The following MYH7B variants were observed in gnomAD, a reference collection of about 807,000 sequenced individuals.
MYH7B encodes the protein myosin-7B.
Under a neutral mutation model 234.5 loss-of-function variants are expected in MYH7B, and 205 were observed. The ratio of observed to expected loss-of-function variants is 0.87; its 90% CI spans 0.78 to 0.98. MYH7B has a LOEUF of 0.98. Among genes scored for constraint, MYH7B ranks in the 50% least tolerant of loss-of-function variants. The pLI, the probability that MYH7B is intolerant of heterozygous loss-of-function variation, is 0.00. For synonymous variants in MYH7B, 1,193 were observed against 1,105.0 expected, an observed-to-expected ratio of 1.08 and a Z score of -1.58; for missense variants, 2,652 against 2,633.4, an observed-to-expected ratio of 1.01 and a Z score of -0.15.
intron 13 of MYH7B, 149 bp from the exon 14 acceptor site, chr20:34,985,951 G>C: frequency 1.5e-6 from 1 of 681,444 alleles, no homozygotes; most frequent in South Asian, 1.7e-5. Context: ...CGCAGGCACA[G>C]GGGAGATACC....
chr20:34,956,762 C>T (rs1030256893), intron 1 of MYH7B, among the ~76,000 whole-genome samples: 1 of 152,098 alleles, frequency 6.6e-6, no homozygotes, highest in African/African-American at 2.4e-5. Flanking sequence ...GGAACAAAAG[C>T]AGCAAAGGCT....
exon 1 of MYH7B, chr20:34,955,979 G>A (rs1218735856): frequency 6.6e-6 from 1 of 152,340 alleles, no homozygotes; most frequent in Admixed American, 6.5e-5. Context: ...GGAGGGGAGG[G>A]GACCATCGGG....
Position 34,990,223 on chromosome 20 carries a change from G to C in MYH7B, c.1901-11G>C. On this transcript the variant is annotated splice_polypyrimidine_tract_variant and intron_variant, in intron 21 of 44. Transcript: ENST00000262873. ...ATTCCCTGGAGTGACCAGGCCCCTT[G>C]TCTCTATTAGCTGAGCCCCCCAAGT... The C allele has an allele frequency of 6.2e-7, 1 of 1,614,154 alleles. No individual in the cohort carries two copies. Among genetic ancestry groups the C allele is most frequent in the Non-Finnish European group, 8.5e-7 (1 of 1,180,036 alleles).
chr20:34,974,001 T>C (rs1415456263), intron 2 of MYH7B, among the ~76,000 whole-genome samples: 1 of 151,232 alleles, frequency 6.6e-6, no homozygotes, highest in Non-Finnish European at 1.5e-5. Flanking sequence ...CTCGGCTCAC[T>C]GCAACCTCCG....
At chr20:34,961,179 G>T (rs1048209623) in intron 2 of MYH7B, among the ~76,000 whole-genome samples, 1 of 152,168 alleles carries the variant, frequency 6.6e-6, no homozygotes, top group Non-Finnish European at 1.5e-5. Flanking sequence ...TTCTCCACTT[G>T]TTATATACTT....
chr20:34,990,863 C>T (rs775388722), intron 23 of MYH7B, 38 bp downstream of exon 23: 1 of 1,609,178 alleles, frequency 6.2e-7, no homozygotes, highest in Non-Finnish European at 8.5e-7. Flanking sequence ...GGCCGGGAGG[C>T]ATCATGGGAA....
chr20:34,984,992 C>A (rs748933250), intron 12 of MYH7B, 46 bp downstream of exon 12: 1 of 1,609,380 alleles, frequency 6.2e-7, no homozygotes, highest in South Asian at 1.1e-5. Flanking sequence ...CGTAGGCCAC[C>A]AGCGGCAGGT....
rs1056808667 is a variant in MYH7B at position 34,975,554 on chromosome 20, A to C, written c.-122+55A>C. ...TTTGAGAAAATTCATCAAACTTTAT[A>C]AGATCATTCACTGCAGCCTTGACTG... On this transcript the variant is annotated intron_variant, in intron 3 of 44. Transcript: ENST00000262873. The C allele has an allele frequency of 5.6e-6, 4 of 711,628 alleles. 1 individual carries two copies. Among genetic ancestry groups the C allele is most frequent in the Admixed American group, 4.1e-5 (2 of 49,036 alleles). 44.1% of individuals were successfully genotyped at this position (711,628 alleles called of 1,614,324 possible).
In MYH7B at chr20:34,986,993, TGAGCTCTGGTG is replaced by T. The variant is rs1229285293; in HGVS notation, c.1008+6_1008+16del. ...GGAGGAGCTCATCGCCACCGACGTATGAGCTCTGGTGGGAGGGGAGCTGTGTGGACGCCTGT... is the reference window on the plus strand; with the variant it reads ...GGAGGAGCTCATCGCCACCGACGTATGGAGGGGAGCTGTGTGGACGCCTGT... On this transcript the variant is annotated splice_donor_5th_base_variant and intron_variant, in intron 15 of 44. Coordinates refer to ENST00000262873, the Ensembl canonical transcript of MYH7B. 32 of 1,612,118 alleles carry T rather than the reference TGAGCTCTGGTG, an allele frequency of 2.0e-5. No individual in the cohort carries two copies. The highest frequency in any genetic ancestry group is 2.7e-5 in the Non-Finnish European group (32 of 1,178,600).
rs1405564082 is a variant in MYH7B at position 34,996,309 on chromosome 20, G to C, written c.2944-37G>C. 4 of 1,551,422 alleles carry C rather than the reference G, an allele frequency of 2.6e-6. No individual in the cohort carries two copies. In the Admixed American group the frequency reaches 5.9e-5, roughly 23 times the overall value. On this transcript the variant is annotated intron_variant, in intron 28 of 44. Coordinates refer to ENST00000262873, the Ensembl canonical transcript of MYH7B. ...GTGTGGTGGCCGCTCAGAGTGCGGGGAAGGGCGTCCCCATTCTGGCCCTGG... is the reference window on the plus strand; with the variant it reads ...GTGTGGTGGCCGCTCAGAGTGCGGGCAAGGGCGTCCCCATTCTGGCCCTGG...
At chr20:34,967,768 T>C (rs2081756523) in intron 2 of MYH7B, among the ~76,000 whole-genome samples, 1 of 151,388 alleles carries the variant, frequency 6.6e-6, no homozygotes, top group Non-Finnish European at 1.5e-5. Context: ...CACGGGAGAG[T>C]GTTTGTTTGA....
intron 27 of MYH7B, 144 bp downstream of exon 27, chr20:34,994,545 C>T: frequency 3.9e-6 from 4 of 1,035,254 alleles, no homozygotes; most frequent in Non-Finnish European, 5.5e-6. Context: ...CCTCCATGTC[C>T]CAGCCTCACC....
At chr20:34,996,174 A>C (rs1340368708) in intron 28 of MYH7B, among the ~76,000 whole-genome samples, 172 bp from the exon 29 acceptor site, 1 of 152,194 alleles carries the variant, frequency 6.6e-6, no homozygotes, top group Non-Finnish European at 1.5e-5. Context: ...AATCCTCATT[A>C]CAACCCCATG....
rs182840352 is a variant in MYH7B at position 34,994,525 on chromosome 20, T to G, written c.2700+124T>G. The stretch of plus-strand genomic sequence containing the variant: ...ATGTCTCTCTGTTCCAAAGATGCCA[T>G]GAGATGAGGCCTCCATGTCCCAGCC... On this transcript the variant is annotated intron_variant, in intron 27 of 44. Coordinates refer to ENST00000262873, the Ensembl canonical transcript of MYH7B. 6 of 1,201,426 alleles carry G rather than the reference T, an allele frequency of 5.0e-6. No homozygotes were observed. In the Admixed American group the frequency reaches 1.8e-4, roughly 36 times the overall value. The allele number at this position is 1,201,426 out of a possible 1,614,324, so 74.4% of individuals were successfully genotyped here. A position where few individuals can be genotyped will look rare whatever the true frequency, so the allele number is the denominator to read the frequency against.
chr20:34,998,383 A>AC lies in MYH7B; in HGVS notation c.3837dup (p.Ala1280ArgfsTer69). The AC allele has an allele frequency of 6.2e-7, 1 of 1,613,610 alleles. No homozygotes were observed. The highest frequency in any genetic ancestry group is 1.1e-5 in the South Asian group (1 of 91,084). ...GAGGAGCTGCAGCGGCAGCTGGCGG[A>AC]CGCAAGCACGCAGCGTGGGCGACTA... is the stretch of plus-strand genomic sequence containing the variant. On this transcript the variant is annotated frameshift_variant, in exon 33 of 45. Coordinates refer to ENST00000262873, the Ensembl canonical transcript of MYH7B. LOFTEE classifies it high-confidence loss of function.
intron 2 of MYH7B, among the ~76,000 whole-genome samples, chr20:34,972,050 A>G (rs1401115282): frequency 1.3e-5 from 2 of 151,872 alleles, no homozygotes; most frequent in East Asian, 3.9e-4. Flanking sequence ...TGCCAGACCC[A>G]TCCGCTCTCA....
In MYH7B at chr20:34,999,716, G is replaced by T. The variant is rs768502497; in HGVS notation, c.4665+21G>T. The stretch of plus-strand genomic sequence containing the variant: ...CAGAGGTCAGGGGCTGGCTGCAGGG[G>T]TGGGTGGACACTGACCTGCTGCTCC... On this transcript the variant is annotated intron_variant, in intron 37 of 44. Transcript: ENST00000262873. The T allele has an allele frequency of 3.1e-6, 5 of 1,612,094 alleles. No individual in the cohort carries two copies. In the South Asian group the frequency reaches 4.4e-5, roughly 14 times the overall value.
rs1319542137 is a variant in MYH7B, at chr20:34,996,242, G to A, written c.2944-104G>A. On this transcript the variant is annotated intron_variant, in intron 28 of 44. Coordinates refer to ENST00000262873, the Ensembl canonical transcript of MYH7B. ...AGGCTCGGAGTCAAGTGACTTGCCTGAGTCCCATAGCTGGAAGGGGCACTT... is the reference window on the plus strand; with the variant it reads ...AGGCTCGGAGTCAAGTGACTTGCCTAAGTCCCATAGCTGGAAGGGGCACTT... 3 of 1,334,366 alleles carry A rather than the reference G, an allele frequency of 2.2e-6. No homozygotes were observed. The African/African-American group carries it at 4.5e-5, about 20-fold the overall frequency. 82.7% of individuals were successfully genotyped at this position (1,334,366 alleles called of 1,614,324 possible).
chr20:34,968,397 A>G (rs968204601), intron 2 of MYH7B, among the ~76,000 whole-genome samples: 2 of 152,170 alleles, frequency 1.3e-5, no homozygotes, highest in Admixed American at 6.5e-5. Flanking sequence ...ACCACAACCC[A>G]GTGGAATAAG....
Sources: gnomAD v4.1 joint callset for allele counts (sites outside exome capture counted in the v4.1 genomes callset) on GRCh38, gnomAD v4.1.1 for gene constraint, MANE v1.5 for transcripts, NCBI Gene and HGNC (gene_info 2026-07-23, HGNC 2026-07-21) for gene names.